PAPPA: variants seen among roughly 807,000 people sequenced by gnomAD.
The protein encoded by PAPPA is pappalysin-1.
A neutral mutation model predicts 164.0 loss-of-function variants in PAPPA; 60 were observed. The observed-to-expected ratio is 0.37, with a 90% confidence interval of 0.30 to 0.45. PAPPA has a LOEUF of 0.45. Ranked by LOEUF, PAPPA falls within the 20% of genes least tolerant of loss-of-function variation. The pLI, the probability that PAPPA is intolerant of heterozygous loss-of-function variation, is 1.00. For synonymous variants in PAPPA, 875 were observed against 814.1 expected (o/e 1.07, Z -1.27); for missense variants, 1,782 against 2,087.3 (o/e 0.85, Z 2.85).
rs1197006678 is a variant in PAPPA at position 116,399,175 on chromosome 9, A to G, written c.*2559A>G. On this transcript the variant is annotated 3_prime_UTR_variant, in exon 22 of 22. Transcript: ENST00000328252. The stretch of plus-strand genomic sequence containing the variant: ...ATCATCATCTATTTTCACACTATCC[A>G]GCTAAGCAAAGATTCCTGGAGGCTG... 1 of 153,870 alleles carries G rather than the reference A, an allele frequency of 6.5e-6. No individual in the cohort carries two copies. The highest frequency in any genetic ancestry group is 2.4e-5 in the African/African-American group (1 of 41,458). 9.5% of individuals were successfully genotyped at this position (153,870 alleles called of 1,614,324 possible).
chr9:116,215,898 G>A (rs779291603), intron 4 of PAPPA, among the ~76,000 whole-genome samples: 15 of 152,198 alleles, frequency 9.9e-5, no homozygotes, highest in South Asian at 2.1e-4. Flanking sequence ...ATATGTATGT[G>A]ATGATAAGAA....
intron 15 of PAPPA, among the ~76,000 whole-genome samples, chr9:116,348,494 TA>T (rs886741212): frequency 4.0e-5 from 6 of 151,874 alleles, no homozygotes; most frequent in African/African-American, 4.8e-5. Context: ...ACAGTTTTTT[TA>T]AAAAAAACTT....
In PAPPA at chr9:116,306,632, C is replaced by T. The variant is rs144703011; in HGVS notation, c.3147+3682C>T. Among the ~76,000 whole-genome samples the T allele has an allele frequency of 4.8e-3, 727 of 152,206 alleles. 3 individuals carry two copies. The highest frequency in any genetic ancestry group is 0.017 in the Middle Eastern group (5 of 294). On this transcript the variant is annotated intron_variant, in intron 10 of 21. Transcript: ENST00000328252. ...GAGACAGAAAAAAATGGAAATTAAC[C>T]GAAAAAATCAAGTTATCTCTCTTCT...
chr9:116,310,578 T>C (rs1400715148), intron 10 of PAPPA, among the ~76,000 whole-genome samples: 2 of 152,170 alleles, frequency 1.3e-5, no homozygotes, highest in African/African-American at 4.8e-5. Flanking sequence ...CCTTGGACTG[T>C]GGGAGACTTT....
At chr9:116,319,545 G>A (rs1845828438) in intron 10 of PAPPA, among the ~76,000 whole-genome samples, 1 of 152,196 alleles carries the variant, frequency 6.6e-6, no homozygotes, top group Admixed American at 6.5e-5. Flanking sequence ...GGTGGGGTGG[G>A]TGATGAATCT....
chr9:116,357,897 G>T (rs113971796), intron 17 of PAPPA, among the ~76,000 whole-genome samples: 3 of 152,118 alleles, frequency 2.0e-5, no homozygotes, highest in African/African-American at 7.2e-5. Context: ...GAAAGGGAGC[G>T]GTGGAATCTT....
chr9:116,191,890 C>A (rs979908830), intron 2 of PAPPA, among the ~76,000 whole-genome samples: 1 of 152,098 alleles, frequency 6.6e-6, no homozygotes, highest in African/African-American at 2.4e-5. Context: ...CCAACAAGGC[C>A]TTGTGCTATA....
intron 21 of PAPPA, among the ~76,000 whole-genome samples, chr9:116,384,276 A>ATAAT (rs1235059306): frequency 6.8e-6 from 1 of 146,722 alleles, no homozygotes; most frequent in Non-Finnish European, 1.5e-5. Flanking sequence ...GTAATTAATA[A>ATAAT]TAATAATAAT....
At chr9:116,178,469 T>A (rs1843863200) in intron 1 of PAPPA, among the ~76,000 whole-genome samples, 1 of 152,214 alleles carries the variant, frequency 6.6e-6, no homozygotes, top group African/African-American at 2.4e-5. Flanking sequence ...TCCCATTCTA[T>A]GCAAATGAGC....
intron 1 of PAPPA, among the ~76,000 whole-genome samples, chr9:116,181,993 C>T (rs903779024): frequency 1.2e-4 from 18 of 152,202 alleles, no homozygotes; most frequent in Non-Finnish European, 1.0e-4. Context: ...CCAGAGGAGG[C>T]CACGCCTTTA....
At chr9:116,182,773 G>A (rs1035226175) in intron 1 of PAPPA, among the ~76,000 whole-genome samples, 1 of 152,142 alleles carries the variant, frequency 6.6e-6, no homozygotes, top group Non-Finnish European at 1.5e-5. Context: ...TTCACATCCA[G>A]CCTAGCTGCA....
At chr9:116,365,485 G>A (rs577790999) in intron 18 of PAPPA, among the ~76,000 whole-genome samples, 1 of 151,206 alleles carries the variant, frequency 6.6e-6, no homozygotes, top group South Asian at 2.1e-4. Context: ...GGAGGGAGAC[G>A]CGGAGAAAGA....
intron 10 of PAPPA, among the ~76,000 whole-genome samples, chr9:116,326,613 T>C (rs760439060): frequency 1.1e-4 from 16 of 152,210 alleles, no homozygotes; most frequent in Non-Finnish European, 1.9e-4. Flanking sequence ...TCTACCCTCT[T>C]AACAAATTTT....
intron 9 of PAPPA, chr9:116,286,052 C>A (rs1054939529): frequency 6.6e-6 from 1 of 152,088 alleles, no homozygotes; most frequent in African/African-American, 2.4e-5. Context: ...GGGGTGGGGG[C>A]TTCTTTAAAA....
intron 15 of PAPPA, among the ~76,000 whole-genome samples, chr9:116,351,361 G>A (rs1030343989): frequency 6.6e-6 from 1 of 152,202 alleles, no homozygotes; most frequent in Non-Finnish European, 1.5e-5. Flanking sequence ...GAGGAAGCAG[G>A]GAAGTGAAGA....
intron 10 of PAPPA, among the ~76,000 whole-genome samples, chr9:116,307,777 A>G (rs1253660444): frequency 6.6e-6 from 1 of 152,086 alleles, no homozygotes; most frequent in Non-Finnish European, 1.5e-5. Context: ...AATCATGCAG[A>G]TCTGGCTCTG....
intron 1 of PAPPA, among the ~76,000 whole-genome samples, chr9:116,165,239 C>T (rs1843707979): frequency 1.3e-5 from 2 of 152,134 alleles, no homozygotes; most frequent in Non-Finnish European, 2.9e-5. Flanking sequence ...GATTAATTAC[C>T]CATCTGTCTA....
intron 12 of PAPPA, among the ~76,000 whole-genome samples, chr9:116,334,281 A>G (rs1237992078): frequency 6.7e-6 from 1 of 150,012 alleles, no homozygotes; most frequent in Non-Finnish European, 1.5e-5. Flanking sequence ...GAGTGAGGCA[A>G]GCTTGAATTC....
chr9:116,155,245 C>A (rs765311168), intron 1 of PAPPA, among the ~76,000 whole-genome samples: 1 of 152,276 alleles, frequency 6.6e-6, no homozygotes, highest in Non-Finnish European at 1.5e-5. Flanking sequence ...GTTCCCCAGA[C>A]GCGGCTGCGA....
Sources: allele counts gnomAD v4.1 joint callset (sites outside exome capture counted in the v4.1 genomes callset), GRCh38; gene constraint gnomAD v4.1.1; transcripts MANE v1.5; gene names NCBI Gene and HGNC (gene_info 2026-07-23, HGNC 2026-07-21).